MACROD2: variants seen among roughly 807,000 people sequenced by gnomAD.
MACROD2 encodes ADP-ribose glycohydrolase MACROD2.
MACROD2 carries 36 observed loss-of-function variants against 70.4 expected under a neutral mutation model. The observed-to-expected ratio is 0.51, with a 90% CI of 0.39 to 0.68. MACROD2 has a LOEUF of 0.68. Ranked by LOEUF, MACROD2 falls within the 30% of genes least tolerant of loss-of-function variation. MACROD2 has a pLI of 0.00. For synonymous variants in MACROD2, 172 were observed against 178.8 expected (o/e 0.96, Z 0.30); for missense variants, 496 against 538.4 (o/e 0.92, Z 0.78).
In MACROD2 at chr20:14,780,040, T is replaced by C. The variant is rs1159595072; in HGVS notation, c.418+95081T>C. Among the ~76,000 whole-genome samples the C allele has an allele frequency of 1.3e-5, 2 of 152,038 alleles. 1 individual carries two copies. Among genetic ancestry groups the C allele is most frequent in the African/African-American group, 4.8e-5 (2 of 41,358 alleles). On this transcript the variant is annotated intron_variant, in intron 5 of 17. Coordinates refer to ENST00000684519, the MANE Select transcript of MACROD2 (RefSeq NM_001351661.2). ...TGAAGAAACTGAGGTTCAGAGAGGT[T>C]GAATCACTCTTTCAATGCCACACTT...
At chr20:14,583,919 T>C (rs1422674711) in intron 4 of MACROD2, among the ~76,000 whole-genome samples, 2 of 152,154 alleles carry the variant, frequency 1.3e-5, no homozygotes, top group Admixed American at 6.5e-5. Context: ...GCAGTTACCA[T>C]AGGCATGATC....
chr20:15,226,561 A>G lies in MACROD2; in HGVS notation c.419-3379A>G, dbSNP rs2076908619. Among the ~76,000 whole-genome samples, 3 of 152,234 alleles carry G rather than the reference A, an allele frequency of 2.0e-5. No homozygotes were observed. The South Asian group carries it at 6.2e-4, about 31-fold the overall frequency. On this transcript the variant is annotated intron_variant, in intron 5 of 17. Coordinates refer to ENST00000684519, the MANE Select transcript of MACROD2 (RefSeq NM_001351661.2). ...AAAACATAAATCAATACAAATCATCATTAAAATTATAATAGCTGTTTGTCT... is the reference window on the plus strand; with the variant it reads ...AAAACATAAATCAATACAAATCATCGTTAAAATTATAATAGCTGTTTGTCT...
At chr20:15,551,654 G>A (rs748803174) in intron 8 of MACROD2, among the ~76,000 whole-genome samples, 14 of 151,970 alleles carry the variant, frequency 9.2e-5, no homozygotes, top group Non-Finnish European at 1.6e-4. Context: ...CAAGGCGGGT[G>A]CATCAGGAGT....
intron 4 of MACROD2, among the ~76,000 whole-genome samples, chr20:14,538,033 G>A (rs1043537286): frequency 2.0e-5 from 3 of 152,002 alleles, no homozygotes; most frequent in Admixed American, 6.6e-5. Context: ...ATCTTTTCTC[G>A]AGTGCTTACC....
At chr20:15,425,511 G>C (rs1316518793) in intron 6 of MACROD2, among the ~76,000 whole-genome samples, 1 of 152,174 alleles carries the variant, frequency 6.6e-6, no homozygotes, top group Middle Eastern at 3.2e-3. Flanking sequence ...ATATCAGGTA[G>C]CATGGTTTTG....
intron 5 of MACROD2, among the ~76,000 whole-genome samples, chr20:14,782,817 C>T (rs997206299): frequency 6.6e-6 from 1 of 152,090 alleles, no homozygotes; most frequent in Non-Finnish European, 1.5e-5. Context: ...AGTCTCTATC[C>T]CAGGTGCTGC....
At chr20:15,711,351 G>A (rs1201321662) in intron 8 of MACROD2, among the ~76,000 whole-genome samples, 2 of 152,320 alleles carry the variant, frequency 1.3e-5, no homozygotes, top group Non-Finnish European at 2.9e-5. Flanking sequence ...AGGTAAGAAA[G>A]GTGCTTTGTG....
intron 5 of MACROD2, among the ~76,000 whole-genome samples, chr20:15,023,823 C>T (rs1466428407): frequency 3.9e-5 from 6 of 152,062 alleles, no homozygotes; most frequent in African/African-American, 1.4e-4. Context: ...GGGAACACAG[C>T]CAAACCGTAT....
chr20:14,646,768 G>C (rs1264337114), intron 4 of MACROD2, among the ~76,000 whole-genome samples: 2 of 151,972 alleles, frequency 1.3e-5, no homozygotes, highest in African/African-American at 2.4e-5. Context: ...TAATTCACTT[G>C]TCATTTATCA....
rs750533054 is a variant in MACROD2, at chr20:16,049,903, C to T, written c.*27C>T. 9 of 1,327,410 alleles carry T rather than the reference C, an allele frequency of 6.8e-6. No individual in the cohort carries two copies. The highest frequency in any genetic ancestry group is 8.9e-6 in the Non-Finnish European group (9 of 1,009,214). 82.2% of individuals were successfully genotyped at this position (1,327,410 alleles called of 1,614,324 possible). On this transcript the variant is annotated 3_prime_UTR_variant, in exon 18 of 18. Transcript: ENST00000684519. ...AATCCTCAGCATCGCAAGGCCTCTC[C>T]TGGCTCTGGGGGAGCTCGGGAAGAT...
chr20:14,052,229 T>C (rs1396678189), intron 2 of MACROD2, among the ~76,000 whole-genome samples: 2 of 152,104 alleles, frequency 1.3e-5, no homozygotes, highest in African/African-American at 4.8e-5. Flanking sequence ...CCCGTACAAC[T>C]TTTCTGTCAT....
At chr20:15,888,562 T>C (rs952630936) in intron 10 of MACROD2, among the ~76,000 whole-genome samples, 6 of 152,176 alleles carry the variant, frequency 3.9e-5, no homozygotes, top group Non-Finnish European at 8.8e-5. Flanking sequence ...TTTAAGGAAA[T>C]CATTATTAAT....
chr20:14,000,847 A>T (rs1432941791), intron 1 of MACROD2, among the ~76,000 whole-genome samples: 2 of 152,226 alleles, frequency 1.3e-5, no homozygotes, highest in Non-Finnish European at 2.9e-5. Context: ...TCACTATGGC[A>T]TACAAGTCCC....
intron 5 of MACROD2, among the ~76,000 whole-genome samples, chr20:14,974,574 C>T (rs1239384636): frequency 1.3e-5 from 2 of 151,974 alleles, no homozygotes; most frequent in Non-Finnish European, 2.9e-5. Context: ...CGTGAATTGA[C>T]AAGGGAAATA....
At chr20:14,345,310 T>C (rs1359227432) in intron 3 of MACROD2, among the ~76,000 whole-genome samples, 10 of 152,188 alleles carry the variant, frequency 6.6e-5, no homozygotes, top group Non-Finnish European at 1.5e-4. Context: ...TCTTTCTAGC[T>C]TATATCTGAG....
chr20:14,181,580 C>T (rs1281367019), intron 3 of MACROD2, among the ~76,000 whole-genome samples: 1 of 151,870 alleles, frequency 6.6e-6, no homozygotes, highest in Non-Finnish European at 1.5e-5. Flanking sequence ...CTATCTAATT[C>T]CGGATCTTTT....
At chr20:14,333,747 C>T (rs1354509217) in intron 3 of MACROD2, among the ~76,000 whole-genome samples, 3 of 152,110 alleles carry the variant, frequency 2.0e-5, no homozygotes, top group Admixed American at 1.3e-4. Context: ...CTATACTGGT[C>T]GGTGAGACCA....
At position 15,024,631 on chromosome 20, in the gene MACROD2, T is replaced by C. The variant is rs180909027; in HGVS notation, c.419-205309T>C. ...ATTAATATTATATTTTTAAAATAAATTTGTAATGTTCAAAAACATGTTTTT... is the reference window on the plus strand; with the variant it reads ...ATTAATATTATATTTTTAAAATAAACTTGTAATGTTCAAAAACATGTTTTT... On this transcript the variant is annotated intron_variant, in intron 5 of 17. Transcript: ENST00000684519. Among the ~76,000 whole-genome samples the C allele has an allele frequency of 2.2e-4, 33 of 152,124 alleles. No individual in the cohort carries two copies. The East Asian group carries it at 4.8e-3, about 22-fold the overall frequency.
At chr20:15,504,536 A>G (rs2047402322) in intron 8 of MACROD2, among the ~76,000 whole-genome samples, 1 of 152,216 alleles carries the variant, frequency 6.6e-6, no homozygotes, top group East Asian at 1.9e-4. Context: ...AGATAGATGA[A>G]TTATCTCACA....
Sources: allele counts gnomAD v4.1 joint callset (sites outside exome capture counted in the v4.1 genomes callset), GRCh38; gene constraint gnomAD v4.1.1; transcripts MANE v1.5; gene names NCBI Gene and HGNC (gene_info 2026-07-23, HGNC 2026-07-21).